The following AGMO variants were observed in gnomAD, a reference collection of about 807,000 sequenced individuals.
The protein encoded by AGMO is alkylglycerol monooxygenase.
In AGMO, 75 loss-of-function variants were observed where a neutral mutation model predicts 60.2. That is an observed-to-expected ratio of 1.25 (90% CI 1.03 to 1.51). AGMO has a LOEUF of 1.51. AGMO is among the 40% of genes most tolerant of loss of function. The probability of loss-of-function intolerance (pLI) is 0.00; values close to 1 mark genes in which losing one functional copy is unlikely to be tolerated. For missense variants in AGMO, 763 were observed against 525.5 expected (o/e 1.45, Z -4.42); for synonymous variants, 261 against 177.1 (o/e 1.47, Z -3.76).
chr7:15,288,654 A>G (rs539829439), intron 12 of AGMO, among the ~76,000 whole-genome samples: 1 of 152,104 alleles, frequency 6.6e-6, no homozygotes, highest in South Asian at 2.1e-4. Flanking sequence ...TGCCTTTATA[A>G]AGATTCTGAT....
intron 12 of AGMO, among the ~76,000 whole-genome samples, chr7:15,267,327 T>C (rs1026740976): frequency 7.9e-5 from 12 of 151,992 alleles, no homozygotes; most frequent in African/African-American, 2.7e-4. Flanking sequence ...AGTCTAATGA[T>C]AGCTAGTATC....
intron 3 of AGMO, among the ~76,000 whole-genome samples, chr7:15,471,851 A>G (rs558168404): frequency 2.3e-4 from 35 of 151,948 alleles, no homozygotes; most frequent in East Asian, 1.4e-3. Flanking sequence ...AAAAAGCTTA[A>G]AAACAAATGG....
At chr7:15,174,006 A>G in the AGMO span, among the ~76,000 whole-genome samples, 3 of 151,928 alleles carry the variant, frequency 2.0e-5, no homozygotes, top group African/African-American at 7.2e-5. Flanking sequence ...ACCCCATTTT[A>G]TGTTTCTCTT....
intron 12 of AGMO, among the ~76,000 whole-genome samples, chr7:15,259,850 A>G (rs866045573): frequency 1.8e-4 from 27 of 149,106 alleles, no homozygotes; most frequent in Non-Finnish European, 2.5e-4. Flanking sequence ...TTCCAGACAA[A>G]CAAACACTGA....
intron 12 of AGMO, among the ~76,000 whole-genome samples, chr7:15,259,930 C>G (rs1423948899): frequency 1.6e-5 from 1 of 63,914 alleles, no homozygotes; most frequent in African/African-American, 6.1e-5. Context: ...AAAAAAAGCT[C>G]TAAATCTTGA....
At chr7:15,451,109 C>G (rs950500668) in intron 3 of AGMO, among the ~76,000 whole-genome samples, 8 of 151,966 alleles carry the variant, frequency 5.3e-5, no homozygotes, top group African/African-American at 1.9e-4. Context: ...TCCATCCTTT[C>G]ATCTCTTTCA....
intron 12 of AGMO, among the ~76,000 whole-genome samples, chr7:15,289,949 T>C (rs1784212043): frequency 1.4e-5 from 2 of 145,186 alleles, no homozygotes; most frequent in South Asian, 2.2e-4. Flanking sequence ...AAATCTTTTT[T>C]TTTTTTTTTT....
chr7:15,483,341 C>T (rs993484572), intron 3 of AGMO, among the ~76,000 whole-genome samples: 3 of 151,992 alleles, frequency 2.0e-5, no homozygotes, highest in Non-Finnish European at 4.4e-5. Flanking sequence ...CCGAGGCGGG[C>T]GGATCACGAG....
intron 5 of AGMO, among the ~76,000 whole-genome samples, chr7:15,418,170 G>A (rs1315139794): frequency 6.6e-6 from 1 of 151,814 alleles, no homozygotes; most frequent in Non-Finnish European, 1.5e-5. Flanking sequence ...GTGTTTCAAA[G>A]AGTTTCAACA....
intron 12 of AGMO, among the ~76,000 whole-genome samples, chr7:15,282,152 G>A (rs1396318065): frequency 6.6e-6 from 1 of 151,988 alleles, no homozygotes; most frequent in Non-Finnish European, 1.5e-5. Context: ...AATACTTCTG[G>A]TAATATGACA....
At chr7:15,518,344 G>C (rs1415889723) in intron 3 of AGMO, among the ~76,000 whole-genome samples, 1 of 152,162 alleles carries the variant, frequency 6.6e-6, no homozygotes, top group Non-Finnish European at 1.5e-5. Context: ...GTCTCCTCAA[G>C]TGGGTCCCTG....
At chr7:15,552,244 C>T (rs979642735) in intron 2 of AGMO, among the ~76,000 whole-genome samples, 7 of 152,148 alleles carry the variant, frequency 4.6e-5, no homozygotes, top group African/African-American at 9.7e-5. Context: ...CATTACCATT[C>T]GGGACATAGG....
intron 12 of AGMO, among the ~76,000 whole-genome samples, chr7:15,325,678 G>C (rs1013927836): frequency 6.6e-6 from 1 of 152,022 alleles, no homozygotes; most frequent in East Asian, 1.9e-4. Flanking sequence ...AAAGCAAAAT[G>C]CTTAAACTGA....
chr7:15,494,361 T>C (rs988108901), intron 3 of AGMO, among the ~76,000 whole-genome samples: 6 of 152,240 alleles, frequency 3.9e-5, no homozygotes, highest in Non-Finnish European at 7.3e-5. Flanking sequence ...TTGATTATAT[T>C]CATGCTACAA....
At chr7:15,502,568 A>G (rs1188629151) in intron 3 of AGMO, among the ~76,000 whole-genome samples, 1 of 151,626 alleles carries the variant, frequency 6.6e-6, no homozygotes, top group Non-Finnish European at 1.5e-5. Flanking sequence ...GCTCCCTCTC[A>G]CCTCTTCTCC....
At chr7:15,218,430 ACAGTTCTTT>A (rs1462633734) in intron 12 of AGMO, among the ~76,000 whole-genome samples, 1 of 151,254 alleles carries the variant, frequency 6.6e-6, no homozygotes, top group African/African-American at 2.4e-5. Flanking sequence ...GACTCTTTCA[ACAGTTCTTT>A]CAGTTCTTTT....
intron 4 of AGMO, among the ~76,000 whole-genome samples, chr7:15,425,935 G>C (rs116854494): frequency 3.2e-4 from 49 of 152,042 alleles, no homozygotes; most frequent in Non-Finnish European, 6.3e-4. Context: ...AAGTTCATTT[G>C]TCATTAATTT....
intron 3 of AGMO, among the ~76,000 whole-genome samples, chr7:15,469,524 C>A (rs931494243): frequency 2.0e-5 from 3 of 152,088 alleles, no homozygotes; most frequent in Admixed American, 6.6e-5. Flanking sequence ...GGATAAGTAA[C>A]CTTGGCTGGT....
chr7:15,242,279 C>T (rs1289643329), intron 12 of AGMO, among the ~76,000 whole-genome samples: 1 of 152,036 alleles, frequency 6.6e-6, no homozygotes, highest in African/African-American at 2.4e-5. Context: ...CTCTTGAACT[C>T]AAGAAGAATT....
Sources: allele counts gnomAD v4.1 joint callset (sites outside exome capture counted in the v4.1 genomes callset), GRCh38; gene constraint gnomAD v4.1.1; transcripts MANE v1.5; gene names NCBI Gene and HGNC (gene_info 2026-07-23, HGNC 2026-07-21).